Variants in PIBF1 observed in about 807,000 individuals in gnomAD.
The protein encoded by PIBF1 is progesterone-induced-blocking factor 1.
Under a neutral mutation model 112.5 loss-of-function variants are expected in PIBF1, and 90 were observed. That is an observed-to-expected ratio of 0.80 (90% CI 0.67 to 0.95). The LOEUF (loss-of-function observed/expected upper bound fraction) is 0.95. Among genes scored for constraint, PIBF1 ranks in the 40% least tolerant of loss-of-function variants. The pLI is 0.00. For synonymous variants in PIBF1, 301 were observed against 288.6 expected (o/e 1.04, Z -0.44); for missense variants, 915 against 852.3 (o/e 1.07, Z -0.92).
chr13:72,968,914 T>C (rs2042820604), intron 15 of PIBF1, among the ~76,000 whole-genome samples: 1 of 151,786 alleles, frequency 6.6e-6, no homozygotes, highest in Non-Finnish European at 1.5e-5. Flanking sequence ...GATGGCACGC[T>C]TCTGTAGTCC....
At chr13:72,886,628 A>G (rs2138527979) in intron 10 of PIBF1, among the ~76,000 whole-genome samples, 1 of 152,108 alleles carries the variant, frequency 6.6e-6, no homozygotes, top group East Asian at 1.9e-4. Context: ...TTATTTTATT[A>G]ATGGCATTAC....
At chr13:73,010,850 TTTTTCACTC>T in intron 17 of PIBF1, among the ~76,000 whole-genome samples, 1 of 138,786 alleles carries the variant, frequency 7.2e-6, no homozygotes, top group African/African-American at 2.8e-5. Flanking sequence ...TGAGACAGAG[TTTTTCACTC>T]TTTGTTGTCC....
chr13:72,985,310 G>A (rs1334248391), intron 16 of PIBF1, among the ~76,000 whole-genome samples: 3 of 147,356 alleles, frequency 2.0e-5, no homozygotes, highest in Non-Finnish European at 4.4e-5. Context: ...GGGGGATCAC[G>A]AGGTCAGGAG....
intron 12 of PIBF1, among the ~76,000 whole-genome samples, chr13:72,913,449 AT>A (rs2040966106): frequency 2.6e-5 from 4 of 152,158 alleles, no homozygotes; most frequent in Admixed American, 2.6e-4. Flanking sequence ...GGGTGGATAT[AT>A]GTATAATAAA....
chr13:72,941,270 C>G (rs1025930855), intron 14 of PIBF1, among the ~76,000 whole-genome samples: 1 of 152,126 alleles, frequency 6.6e-6, no homozygotes, highest in Non-Finnish European at 1.5e-5. Context: ...TTTGTGTATA[C>G]CCACTAATTC....
At chr13:72,856,045 G>A (rs2038408575) in intron 10 of PIBF1, among the ~76,000 whole-genome samples, 1 of 152,058 alleles carries the variant, frequency 6.6e-6, no homozygotes, top group Non-Finnish European at 1.5e-5. Flanking sequence ...TATATTTATC[G>A]TAAGCTACAC....
At chr13:72,948,594 G>A (rs1416918591) in intron 14 of PIBF1, among the ~76,000 whole-genome samples, 1 of 152,114 alleles carries the variant, frequency 6.6e-6, no homozygotes, top group East Asian at 1.9e-4. Flanking sequence ...TCACATCAGT[G>A]CCCCACTACC....
intron 10 of PIBF1, among the ~76,000 whole-genome samples, chr13:72,858,338 C>T (rs1300293026): frequency 6.6e-6 from 1 of 152,180 alleles, no homozygotes; most frequent in Admixed American, 6.5e-5. Flanking sequence ...AGGCGTGAGC[C>T]ACTACGCCCA....
chr13:72,865,515 C>G (rs796144119), intron 10 of PIBF1, among the ~76,000 whole-genome samples: 22 of 152,246 alleles, frequency 1.4e-4, no homozygotes, highest in African/African-American at 5.3e-4. Flanking sequence ...CTACTGTTAT[C>G]TTTTAAATAT....
intron 10 of PIBF1, among the ~76,000 whole-genome samples, chr13:72,877,265 T>G (rs1396126027): frequency 6.6e-6 from 1 of 152,226 alleles, no homozygotes; most frequent in Non-Finnish European, 1.5e-5. Flanking sequence ...TTTTTATGCA[T>G]GAATGGTTTC....
chr13:72,893,715 A>T, intron 10 of PIBF1, 69 bp from the exon 11 acceptor site: 2 of 896,138 alleles, frequency 2.2e-6, no homozygotes, highest in South Asian at 2.9e-5. Flanking sequence ...CATAGAAGTA[A>T]GGTTTATGAT....
chr13:72,969,699 A>G (rs2042839911), intron 15 of PIBF1: 1 of 152,226 alleles, frequency 6.6e-6, no homozygotes, highest in Non-Finnish European at 1.5e-5. Context: ...TTCAAATCCT[A>G]GAGTGGAATT....
intron 16 of PIBF1, among the ~76,000 whole-genome samples, chr13:72,983,248 C>G (rs1425218483): frequency 6.6e-6 from 1 of 151,962 alleles, no homozygotes; most frequent in Admixed American, 6.6e-5. Flanking sequence ...TGCAGTGAGT[C>G]ATGATTGCAC....
chr13:72,979,009 A>T (rs1397624982), intron 16 of PIBF1, among the ~76,000 whole-genome samples: 1 of 152,052 alleles, frequency 6.6e-6, no homozygotes, highest in African/African-American at 2.4e-5. Context: ...AGCCTGGACA[A>T]CCTAGGAAGA....
chr13:72,804,824 A>G (rs960291421), intron 5 of PIBF1, among the ~76,000 whole-genome samples: 1 of 152,218 alleles, frequency 6.6e-6, no homozygotes, highest in Non-Finnish European at 1.5e-5. Flanking sequence ...ATATCCAGTA[A>G]AAGTGTGTAC....
intron 5 of PIBF1, among the ~76,000 whole-genome samples, chr13:72,804,374 G>A (rs776011294): frequency 9.2e-5 from 14 of 152,138 alleles, no homozygotes; most frequent in Non-Finnish European, 1.9e-4. Flanking sequence ...AAGACCCAGG[G>A]AAAATGTATT....
chr13:72,895,339 T>A (rs2040240578), intron 11 of PIBF1, among the ~76,000 whole-genome samples: 1 of 149,424 alleles, frequency 6.7e-6, no homozygotes, highest in Admixed American at 6.7e-5. Context: ...ATAATATATA[T>A]AATATTAAAG....
intron 12 of PIBF1, among the ~76,000 whole-genome samples, chr13:72,916,433 G>A (rs1165031445): frequency 6.7e-6 from 1 of 150,152 alleles, no homozygotes; most frequent in Non-Finnish European, 1.5e-5. Flanking sequence ...ATCCCAACTT[G>A]CAGTAAAATG....
intron 12 of PIBF1, among the ~76,000 whole-genome samples, chr13:72,911,054 T>G (rs938378499): frequency 6.6e-6 from 1 of 152,142 alleles, no homozygotes; most frequent in Non-Finnish European, 1.5e-5. Flanking sequence ...GGTGCACTCC[T>G]GCAGTCCCAG....
Sources: allele counts gnomAD v4.1 joint callset (sites outside exome capture counted in the v4.1 genomes callset), GRCh38; gene constraint gnomAD v4.1.1; transcripts MANE v1.5; gene names NCBI Gene and HGNC (gene_info 2026-07-23, HGNC 2026-07-21).